Variants in NXN observed in about 807,000 individuals in gnomAD.
The protein encoded by NXN is nucleoredoxin 1.
NXN carries 16 observed loss-of-function variants against 48.6 expected under a neutral mutation model. That is an observed-to-expected ratio of 0.33 (90% CI 0.22 to 0.50). The LOEUF is 0.50. Among genes scored for constraint, NXN ranks in the 20% least tolerant of loss-of-function variants. NXN has a pLI of 0.98. For missense variants in NXN, 492 were observed against 605.5 expected, an observed-to-expected ratio of 0.81 and a Z score of 1.97; for synonymous variants, 281 against 269.6, an observed-to-expected ratio of 1.04 and a Z score of -0.41.
intron 5 of NXN, among the ~76,000 whole-genome samples, chr17:811,222 T>C (rs1454979965): frequency 1.3e-5 from 2 of 152,182 alleles, no homozygotes; most frequent in African/African-American, 4.8e-5. Flanking sequence ...CCGGCACCTC[T>C]AGCTGCTTCC....
Position 810,220 on chromosome 17 carries a change from A to T in NXN, c.821-4973T>A, listed in dbSNP as rs557639476. Among the ~76,000 whole-genome samples, 403 of 124,096 alleles carry T rather than the reference A, an allele frequency of 3.2e-3. 7 individuals are homozygous for T. The highest frequency in any genetic ancestry group is 0.012 in the African/African-American group (380 of 30,894). 81.4% of individuals were successfully genotyped at this position (124,096 alleles called of 152,430 possible). A position where few individuals can be genotyped will look rare whatever the true frequency, so the allele number is the denominator to read the frequency against. ...GTCTGTGAGTGGCGTGCACGTTACG[A>T]GTCCGTGTGAGTGGCGTGCACGTTA... On this transcript the variant is annotated intron_variant, in intron 5 of 7. Coordinates refer to ENST00000336868, the MANE Select transcript of NXN (RefSeq NM_022463.5).
chr17:876,892 C>CA (rs2068222676), intron 1 of NXN, among the ~76,000 whole-genome samples: 3 of 151,994 alleles, frequency 2.0e-5, no homozygotes, highest in East Asian at 2.0e-4. Flanking sequence ...ACTAAAAACA[C>CA]AAAAAATTAG....
intron 1 of NXN, among the ~76,000 whole-genome samples, chr17:946,373 T>TG (rs1423897653): frequency 6.6e-6 from 1 of 152,198 alleles, no homozygotes; most frequent in Admixed American, 6.5e-5. Flanking sequence ...TTCACCATGT[T>TG]GGCCAGGATG....
At chr17:906,576 T>G (rs1300149188) in intron 1 of NXN, among the ~76,000 whole-genome samples, 1 of 26,904 alleles carries the variant, frequency 3.7e-5, no homozygotes, top group Admixed American at 7.0e-4. Flanking sequence ...TTCTGGGTTT[T>G]TTTTTTTTTT....
At chr17:817,537 T>C (rs973662592) in intron 5 of NXN, among the ~76,000 whole-genome samples, 2 of 151,788 alleles carry the variant, frequency 1.3e-5, no homozygotes, top group Non-Finnish European at 2.9e-5. Context: ...GGGCGTGTGG[T>C]GGGTGCCTGT....
chr17:927,893 A>G (rs1289597848), intron 1 of NXN, among the ~76,000 whole-genome samples: 4 of 152,026 alleles, frequency 2.6e-5, no homozygotes, highest in Non-Finnish European at 5.9e-5. Flanking sequence ...GATGTTCCTT[A>G]TACCACCTGG....
chr17:936,446 C>T (rs866784213), intron 1 of NXN, among the ~76,000 whole-genome samples: 1 of 151,902 alleles, frequency 6.6e-6, no homozygotes, highest in Non-Finnish European at 1.5e-5. Flanking sequence ...AGGTCAAGCC[C>T]ATCCTGTCAG....
intron 1 of NXN, among the ~76,000 whole-genome samples, chr17:939,490 T>G (rs538110201): frequency 6.6e-6 from 1 of 151,932 alleles, no homozygotes; most frequent in Admixed American, 6.6e-5. Context: ...GGATTACAGG[T>G]GCCCGCCACC....
chr17:931,562 C>T (rs2068853564), intron 1 of NXN, among the ~76,000 whole-genome samples: 1 of 151,986 alleles, frequency 6.6e-6, no homozygotes, highest in African/African-American at 2.4e-5. Context: ...TTTGGCCGGG[C>T]GCAGTGGCTC....
At chr17:812,697 TG>T (rs1231079781) in intron 5 of NXN, among the ~76,000 whole-genome samples, 3 of 149,782 alleles carry the variant, frequency 2.0e-5, no homozygotes, top group Admixed American at 6.6e-5. Context: ...CACATATGAA[TG>T]TAGGTGTTTG....
intron 2 of NXN, among the ~76,000 whole-genome samples, chr17:824,163 C>T (rs1180619300): frequency 8.5e-5 from 13 of 152,050 alleles, no homozygotes; most frequent in Admixed American, 8.5e-4. Flanking sequence ...CCTCAGCCTC[C>T]CAAGTAGCTG....
intron 1 of NXN, among the ~76,000 whole-genome samples, chr17:865,987 A>T (rs1385674639): frequency 6.6e-6 from 1 of 152,004 alleles, no homozygotes; most frequent in Non-Finnish European, 1.5e-5. Flanking sequence ...TATCTCAAAA[A>T]AAAAGAAAAA....
At chr17:853,723 A>ATATATATATATATATATATATATATATT (rs1491528474) in intron 1 of NXN, among the ~76,000 whole-genome samples, 1 of 106,002 alleles carries the variant, frequency 9.4e-6, no homozygotes, top group African/African-American at 4.3e-5. Context: ...ATATATATAT[A>ATATATATATATATATATATATATATATT]TTTTTTTTTT....
intron 1 of NXN, among the ~76,000 whole-genome samples, chr17:851,021 C>T (rs774025781): frequency 7.2e-5 from 11 of 152,218 alleles, no homozygotes; most frequent in Non-Finnish European, 1.6e-4. Flanking sequence ...ACTGCTGAGG[C>T]CTTCGGAACA....
chr17:853,723 A>ATATATATATATATATATATTTTT (rs1491528474), intron 1 of NXN, among the ~76,000 whole-genome samples: 13 of 105,964 alleles, frequency 1.2e-4, no homozygotes, highest in African/African-American at 3.0e-4. Context: ...ATATATATAT[A>ATATATATATATATATATATTTTT]TTTTTTTTTT....
At chr17:888,031 C>G (rs2068367581) in intron 1 of NXN, among the ~76,000 whole-genome samples, 1 of 152,100 alleles carries the variant, frequency 6.6e-6, no homozygotes. Context: ...GAGAAGCGTG[C>G]CAGGTACAGC....
chr17:883,304 G>T (rs2068305684), intron 1 of NXN, among the ~76,000 whole-genome samples: 1 of 152,138 alleles, frequency 6.6e-6, no homozygotes, highest in African/African-American at 2.4e-5. Context: ...ATCTGTTTCT[G>T]AGACATGGAA....
chr17:896,858 C>CGGGG, intron 1 of NXN: 2 of 536,120 alleles, frequency 3.7e-6, no homozygotes, highest in South Asian at 1.7e-5. Flanking sequence ...GTCCTGACCA[C>CGGGG]CCGCCCCCGG....
At chr17:854,595 C>A (rs2067965125) in intron 1 of NXN, among the ~76,000 whole-genome samples, 1 of 148,106 alleles carries the variant, frequency 6.8e-6, no homozygotes, top group Non-Finnish European at 1.5e-5. Flanking sequence ...GAGGAGCTTG[C>A]AGTGAGCTGA....
Sources: allele counts gnomAD v4.1 joint callset (sites outside exome capture counted in the v4.1 genomes callset), GRCh38; gene constraint gnomAD v4.1.1; transcripts MANE v1.5; gene names NCBI Gene and HGNC (gene_info 2026-07-23, HGNC 2026-07-21).